TMEFF2: variants seen among roughly 807,000 people sequenced by gnomAD.
The protein encoded by TMEFF2 is transmembrane protein with EGF like and two follistatin like domains 2.
TMEFF2 carries 28 observed loss-of-function variants against 53.8 expected under a neutral mutation model. The observed-to-expected ratio is 0.52, with a 90% confidence interval of 0.39 to 0.71. TMEFF2 has a LOEUF of 0.71. Ranked by LOEUF, TMEFF2 falls within the 30% of genes least tolerant of loss-of-function variation. The pLI, the probability that TMEFF2 is intolerant of heterozygous loss-of-function variation, is 0.00. For synonymous variants in TMEFF2, 162 were observed against 166.3 expected (o/e 0.97, Z 0.20); for missense variants, 353 against 455.2 (o/e 0.78, Z 2.04).
At chr2:192,158,256 T>C (rs1574422651) in intron 4 of TMEFF2, among the ~76,000 whole-genome samples, 2 of 152,118 alleles carry the variant, frequency 1.3e-5, no homozygotes. Flanking sequence ...TCAGATATGA[T>C]TATCATTTCA....
At chr2:192,112,146 A>G (rs1689295599) in intron 4 of TMEFF2, among the ~76,000 whole-genome samples, 1 of 152,164 alleles carries the variant, frequency 6.6e-6, no homozygotes, top group African/African-American at 2.4e-5. Context: ...GAAGACCATC[A>G]TCCTCCAGAC....
intron 5 of TMEFF2, among the ~76,000 whole-genome samples, chr2:192,000,271 G>T (rs1686324806): frequency 6.6e-6 from 1 of 151,990 alleles, no homozygotes; most frequent in African/African-American, 2.4e-5. Context: ...TTTTACTTCT[G>T]TATATTTTAC....
In TMEFF2 at chr2:192,119,280, A is replaced by G. The variant is rs944492807; in HGVS notation, c.439+60388T>C. 6.6e-5 allele frequency among the ~76,000 whole-genome samples: 10 copies of G among 152,194 alleles called. 1 individual carries two copies. The highest frequency in any genetic ancestry group is 4.6e-4 in the Admixed American group (7 of 15,278). Reference sequence around the variant, plus strand: ...AGTGAGAAAATGAAATTCTTTGGGGAGTATATAACATTTTGCATAATTGAG... The same window carrying G: ...AGTGAGAAAATGAAATTCTTTGGGGGGTATATAACATTTTGCATAATTGAG... On this transcript the variant is annotated intron_variant, in intron 4 of 9. Transcript: ENST00000272771.
chr2:192,039,801 T>C (rs1336769555), intron 5 of TMEFF2, among the ~76,000 whole-genome samples: 3 of 152,134 alleles, frequency 2.0e-5, no homozygotes, highest in African/African-American at 7.2e-5. Context: ...TTTTAAAGAT[T>C]CACATTAGAT....
chr2:191,983,521 T>TG (rs1685904952), intron 7 of TMEFF2, among the ~76,000 whole-genome samples: 1 of 151,638 alleles, frequency 6.6e-6, no homozygotes, highest in African/African-American at 2.4e-5. Flanking sequence ...TTTCTACAGG[T>TG]GAAGAAATAG....
rs144321082 is a variant in TMEFF2, at chr2:191,951,648, A to G, written c.1029-1241T>C. On this transcript the variant is annotated intron_variant, in intron 9 of 9. Coordinates refer to ENST00000272771, the MANE Select transcript of TMEFF2 (RefSeq NM_016192.4). ...AGTAGGGTTTCTGGGGTTTGGAGAC[A>G]GACAGCCTAGTTGGAAAGTCTGGTT... 6.1e-3 allele frequency among the ~76,000 whole-genome samples: 928 copies of G among 152,274 alleles called. 20 individuals are homozygous for G. Among genetic ancestry groups the G allele is most frequent in the Admixed American group, 0.042 (642 of 15,290 alleles).
At chr2:192,006,470 A>G (rs1686504485) in intron 5 of TMEFF2, among the ~76,000 whole-genome samples, 1 of 152,222 alleles carries the variant, frequency 6.6e-6, no homozygotes, top group South Asian at 2.1e-4. Flanking sequence ...ATGTCTAATT[A>G]TAATAAAGAC....
chr2:192,164,365 G>T (rs1470283226), intron 4 of TMEFF2, among the ~76,000 whole-genome samples: 2 of 152,024 alleles, frequency 1.3e-5, no homozygotes, highest in South Asian at 2.1e-4. Context: ...ACTACTTAAG[G>T]CTTCAGTGAA....
chr2:192,162,293 T>C (rs1690653135), intron 4 of TMEFF2, among the ~76,000 whole-genome samples: 1 of 152,198 alleles, frequency 6.6e-6, no homozygotes, highest in Non-Finnish European at 1.5e-5. Context: ...GGGGTGAGTG[T>C]GCTGTGTCTG....
intron 8 of TMEFF2, among the ~76,000 whole-genome samples, 181 bp downstream of exon 8, chr2:191,956,073 GT>G (rs1211327782): frequency 1.1e-4 from 8 of 72,702 alleles, no homozygotes; most frequent in Non-Finnish European, 1.2e-4. Flanking sequence ...ACATATTTTT[GT>G]TTTTTTTTAG....
At chr2:192,181,478 C>A (rs1348470409) in intron 3 of TMEFF2, among the ~76,000 whole-genome samples, 1 of 151,656 alleles carries the variant, frequency 6.6e-6, no homozygotes. Context: ...TTAGGAGTTA[C>A]AAACTCCAAA....
chr2:191,953,950 C>CG lies in TMEFF2; in HGVS notation c.870-114dup, dbSNP rs1483271477. The CG allele has an allele frequency of 4.0e-5, 36 of 896,398 alleles. 1 individual carries two copies. The highest frequency in any genetic ancestry group is 1.6e-4 in the East Asian group (5 of 32,252). 55.5% of individuals were successfully genotyped at this position (896,398 alleles called of 1,614,324 possible). On this transcript the variant is annotated intron_variant, in intron 8 of 9. Coordinates refer to ENST00000272771, the MANE Select transcript of TMEFF2 (RefSeq NM_016192.4). Reference sequence around the variant, plus strand: ...TGTCGCCCAGGCTGGAGTGCAGTGGCGCATCTCGGCTCACTGCAAGTTCCG... The same window carrying CG: ...TGTCGCCCAGGCTGGAGTGCAGTGGCGGCATCTCGGCTCACTGCAAGTTCCG...
intron 4 of TMEFF2, among the ~76,000 whole-genome samples, chr2:192,143,564 A>G (rs1485964526): frequency 1.3e-5 from 2 of 152,106 alleles, no homozygotes; most frequent in Non-Finnish European, 2.9e-5. Context: ...ATTTACATAT[A>G]TTGCAAATTT....
chr2:192,055,400 C>G (rs1250303204), intron 5 of TMEFF2, among the ~76,000 whole-genome samples: 1 of 152,142 alleles, frequency 6.6e-6, no homozygotes, highest in African/African-American at 2.4e-5. Context: ...AAAAAATTCT[C>G]AAAGTACTTC....
rs140168810 is a variant in TMEFF2 at position 192,033,233 on chromosome 2, A to T, written c.536+24446T>A. On this transcript the variant is annotated intron_variant, in intron 5 of 9. Coordinates refer to ENST00000272771, the MANE Select transcript of TMEFF2 (RefSeq NM_016192.4). ...TTCCTCCAAATCAGTATAAATAATA[A>T]ATGTTTAAGACATAGGCAAAGATAC... Among the ~76,000 whole-genome samples, 209 of 152,340 alleles carry T rather than the reference A, an allele frequency of 1.4e-3. 4 individuals carry two copies. The highest frequency in any genetic ancestry group is 0.013 in the Admixed American group (194 of 15,300).
chr2:191,968,571 G>A (rs1002731356), intron 7 of TMEFF2, among the ~76,000 whole-genome samples: 2 of 152,166 alleles, frequency 1.3e-5, no homozygotes, highest in African/African-American at 4.8e-5. Flanking sequence ...GAGCTCTGTT[G>A]ATGCCTGACT....
At chr2:192,022,685 T>C (rs1450982071) in intron 5 of TMEFF2, among the ~76,000 whole-genome samples, 1 of 152,216 alleles carries the variant, frequency 6.6e-6, no homozygotes, top group Non-Finnish European at 1.5e-5. Flanking sequence ...TATTCACTAA[T>C]TCACTGATTT....
intron 4 of TMEFF2, among the ~76,000 whole-genome samples, chr2:192,109,711 G>A (rs1156723801): frequency 6.6e-6 from 1 of 152,042 alleles, no homozygotes; most frequent in Non-Finnish European, 1.5e-5. Context: ...TTGAATTGAA[G>A]TAGGAACTTC....
At chr2:192,080,298 G>A (rs183355291) in intron 4 of TMEFF2, among the ~76,000 whole-genome samples, 42 of 152,216 alleles carry the variant, frequency 2.8e-4, no homozygotes, top group Admixed American at 2.0e-3. Flanking sequence ...TCATAGGGGC[G>A]GTTTCCCCCA....
Sources: allele counts gnomAD v4.1 joint callset (sites outside exome capture counted in the v4.1 genomes callset), GRCh38; gene constraint gnomAD v4.1.1; transcripts MANE v1.5; gene names NCBI Gene and HGNC (gene_info 2026-07-23, HGNC 2026-07-21).